ZIC2: variants seen among roughly 807,000 people sequenced by gnomAD.
ZIC2 encodes the protein zinc finger protein ZIC 2.
Under a neutral mutation model 29.5 loss-of-function variants are expected in ZIC2, and 7 were observed. The ratio of observed to expected loss-of-function variants is 0.24; its 90% CI spans 0.14 to 0.45. ZIC2 has a LOEUF of 0.45. ZIC2 is among the 20% of genes least tolerant of loss of function. ZIC2 has a pLI of 1.00. For synonymous variants in ZIC2, 408 were observed against 354.2 expected (o/e 1.15, Z -1.70); for missense variants, 589 against 781.2 (o/e 0.75, Z 2.93).
In ZIC2 at chr13:99,982,562, C is replaced by G. The variant is rs763471288; in HGVS notation, c.498C>G (p.His166Gln). 1.9e-5 allele frequency: 29 copies of G among 1,556,258 alleles called. No homozygotes were observed. In the South Asian group the frequency reaches 3.0e-4, roughly 16 times the overall value. The change falls in exon 1 of 3, where the codon CAC (histidine) becomes CAG (glutamine). Residue 166 changes from histidine to glutamine, a missense_variant. This residue lies in a region of ZIC2 where 358 missense variants were observed against 382.0 expected (regional missense o/e 0.94). Transcript: ENST00000376335. The part of the protein sequence containing the change: ...HLLFPGLPEQ[H>Q]GPHGSQNVLN... ...TCTTCCCGGGCCTGCCAGAGCAGCA[C>G]GGGCCGCACGGCTCGCAGAATGTGC...
chr13:99,985,824 G>T lies in ZIC2; in HGVS notation c.*142G>T. 2.9e-6 allele frequency: 1 copy of T among 348,520 alleles called. No homozygotes were observed. 21.6% of individuals were successfully genotyped at this position (348,520 alleles called of 1,614,324 possible). A position where few individuals can be genotyped will look rare whatever the true frequency, so the allele number is the denominator to read the frequency against. ...GATGATGAAAATTTTACCAGCAGAAGGATTTTTTAAAGTTTTTTTTTTTTT... is the reference window on the plus strand; with the variant it reads ...GATGATGAAAATTTTACCAGCAGAATGATTTTTTAAAGTTTTTTTTTTTTT... On this transcript the variant is annotated 3_prime_UTR_variant, in exon 3 of 3. Coordinates refer to ENST00000376335, the MANE Select transcript of ZIC2 (RefSeq NM_007129.5). The surrounding 1 kb of genome is among the most constrained non-coding windows in gnomAD (Gnocchi z 6.3).
In ZIC2 at chr13:99,981,952, C is replaced by T; in HGVS notation, c.-113C>T. On this transcript the variant is annotated 5_prime_UTR_variant, in exon 1 of 3. Coordinates refer to ENST00000376335, the MANE Select transcript of ZIC2 (RefSeq NM_007129.5). ...CCCAGGGCTGAAGTGGCCGCCACCA[C>T]CGCCGCCTGCGCCTGGAGCCCGGTG... 1.7e-6 allele frequency: 2 copies of T among 1,172,922 alleles called. No individual in the cohort carries two copies. Among genetic ancestry groups the T allele is most frequent in the Non-Finnish European group, 2.1e-6 (2 of 952,110 alleles). The allele number at this position is 1,172,922 out of a possible 1,614,324, so 72.7% of individuals were successfully genotyped here.
At chr13:99,984,853 C>A in intron 1 of ZIC2, 93 bp from the exon 2 acceptor site, 1 of 1,556,276 alleles carries the variant, frequency 6.4e-7, no homozygotes, top group East Asian at 2.3e-5. Context: ...TCAGGTCCTT[C>A]TCCCTCGCCG....
In ZIC2 at chr13:99,985,719, C is replaced by G. The variant is rs1275348861; in HGVS notation, c.*37C>G. 9 of 1,260,410 alleles carry G rather than the reference C, an allele frequency of 7.1e-6. No individual in the cohort carries two copies. The highest frequency in any genetic ancestry group is 9.3e-6 in the Non-Finnish European group (9 of 965,118). The allele number at this position is 1,260,410 out of a possible 1,614,324, so 78.1% of individuals were successfully genotyped here. On this transcript the variant is annotated 3_prime_UTR_variant, in exon 3 of 3. Transcript: ENST00000376335. The surrounding 1 kb of genome is among the most constrained non-coding windows in gnomAD (Gnocchi z 6.3). ...CTCTCTCCCTCTCCCTGTCCCCACC[C>G]CAGCGCAGCAGCCCTCCCCGCAGCT...
In ZIC2 at chr13:99,985,448, AGCGGCGGCG is replaced by A. The variant is rs749567106; in HGVS notation, c.1368_1376del (p.Ala468_Ala470del). On this transcript the variant is annotated inframe_deletion, in exon 3 of 3. Coordinates refer to ENST00000376335, the MANE Select transcript of ZIC2 (RefSeq NM_007129.5). This position sits in a 1 kb window ranked among gnomAD's most constrained non-coding sequence, Gnocchi z 6.3. ...CCCAGAGCAGCTCCAACCTGTCCCCAGCGGCGGCGGCAGCGGCGGCGGCGGCTGCGGCGG... is the reference window on the plus strand; with the variant it reads ...CCCAGAGCAGCTCCAACCTGTCCCCAGCAGCGGCGGCGGCGGCTGCGGCGG... 6 of 1,417,522 alleles carry A rather than the reference AGCGGCGGCG, an allele frequency of 4.2e-6. No individual in the cohort carries two copies. The African/African-American group carries it at 8.9e-5, about 21-fold the overall frequency. 87.8% of individuals were successfully genotyped at this position (1,417,522 alleles called of 1,614,324 possible).
rs2053268673 is a variant in ZIC2, at chr13:99,986,147, C to T, written c.*465C>T. 1.1e-5 allele frequency: 5 copies of T among 437,932 alleles called. No homozygotes were observed. Among genetic ancestry groups the T allele is most frequent in the South Asian group, 8.3e-5 (5 of 59,882 alleles). The allele number at this position is 437,932 out of a possible 1,614,324, so 27.1% of individuals were successfully genotyped here. A position where few individuals can be genotyped will look rare whatever the true frequency, so the allele number is the denominator to read the frequency against. Reference sequence around the variant, plus strand: ...TTCCTCCCCGCCTTCCGCCCCTTCCCTTCCCTAAAGTGATGGGCTTTCTCT... The same window carrying T: ...TTCCTCCCCGCCTTCCGCCCCTTCCTTTCCCTAAAGTGATGGGCTTTCTCT... On this transcript the variant is annotated 3_prime_UTR_variant, in exon 3 of 3. Coordinates refer to ENST00000376335, the MANE Select transcript of ZIC2 (RefSeq NM_007129.5).
At position 99,985,618 on chromosome 13, in the gene ZIC2, G is replaced by C; in HGVS notation, c.1535G>C (p.Gly512Ala). ...GGCGGGGGCGGCGGCAGCTCTGGCG[G>C]GGGCAGCGGGACAGCCGGGGGTCAC... Reference protein sequence around the residue: ...AGGGGGGSSGGGSGTAGGHSG... With the variant: ...AGGGGGGSSGAGSGTAGGHSG... Residue 512 changes from glycine (G) to alanine (A), a missense_variant, in exon 3 of 3, where the codon GGG becomes GCG. Coordinates refer to ENST00000376335, the MANE Select transcript of ZIC2 (RefSeq NM_007129.5). This position sits in a 1 kb window ranked among gnomAD's most constrained non-coding sequence, Gnocchi z 6.3. 8.5e-7 allele frequency: 1 copy of C among 1,178,158 alleles called. No individual in the cohort carries two copies. The highest frequency in any genetic ancestry group is 1.1e-6 in the Non-Finnish European group (1 of 943,332). The allele number at this position is 1,178,158 out of a possible 1,614,324, so 73.0% of individuals were successfully genotyped here. A position where few individuals can be genotyped will look rare whatever the true frequency, so the allele number is the denominator to read the frequency against.
chr13:99,985,108 A>C lies in ZIC2; in HGVS notation c.1238A>C (p.Lys413Thr). 1 of 1,614,050 alleles carries C rather than the reference A, an allele frequency of 6.2e-7. No homozygotes were observed. The highest frequency in any genetic ancestry group is 8.5e-7 in the Non-Finnish European group (1 of 1,179,914). ...THPSSLRKHM[K>T]VHESSPQGSE... ...CCCAGCTCGCTGCGGAAGCACATGA[A>C]GGTACCACCGCGGCGGCCGGGAGGA... is the stretch of plus-strand genomic sequence containing the variant. Residue 413 changes from lysine (K) to threonine (T), a missense_variant and splice_region_variant, in exon 2 of 3, where the codon AAG (lysine) becomes ACG (threonine). Physicochemically the swap from Lys to Thr is moderately conservative, Grantham distance 78. Coordinates refer to ENST00000376335, the MANE Select transcript of ZIC2 (RefSeq NM_007129.5). The surrounding 1 kb of genome is among the most constrained non-coding windows in gnomAD (Gnocchi z 6.3).
chr13:99,984,928 G>A lies in ZIC2; in HGVS notation c.1076-18G>A. The A allele has an allele frequency of 6.2e-7, 1 of 1,613,958 alleles. No homozygotes were observed. On this transcript the variant is annotated intron_variant, in intron 1 of 2. Transcript: ENST00000376335. ...GCTCTGGGTGTCTGCAGCCAGCGCC[G>A]ATGTTTGCCGTCCACAGGGGAGAAG...
chr13:99,986,177 T>C lies in ZIC2; in HGVS notation c.*495T>C, dbSNP rs1215198749. On this transcript the variant is annotated 3_prime_UTR_variant, in exon 3 of 3. Coordinates refer to ENST00000376335, the MANE Select transcript of ZIC2 (RefSeq NM_007129.5). ...CTAAAGTGATGGGCTTTCTCTTTTC[T>C]CTTTTTAGTTTACCCGGTTTCTTTT... 2.0e-5 allele frequency: 7 copies of C among 343,684 alleles called. No homozygotes were observed. Among genetic ancestry groups the C allele is most frequent in the Non-Finnish European group, 4.0e-5 (7 of 176,328 alleles). The allele number at this position is 343,684 out of a possible 1,614,324, so 21.3% of individuals were successfully genotyped here.
chr13:99,985,600 G>A lies in ZIC2; in HGVS notation c.1517G>A (p.Gly506Asp). Residue 506 changes from glycine to aspartate, a missense_variant, in exon 3 of 3, where the codon GGC (glycine) becomes GAC (aspartate). Around this residue, in one of 7 missense-constraint regions of ZIC2, gnomAD observed 135 missense variants for 136.7 expected, o/e 0.99. Transcript: ENST00000376335. This position sits in a 1 kb window ranked among gnomAD's most constrained non-coding sequence, Gnocchi z 6.3. ...GGCGGCGGCGGGGCGGGCGGCGGGG[G>A]CGGCGGCAGCTCTGGCGGGGGCAGC... ...GGGGGGAGGGGGGSSGGGSGT... is the reference protein window; with the variant it reads ...GGGGGGAGGGDGGSSGGGSGT... 1 of 1,054,838 alleles carries A rather than the reference G, an allele frequency of 9.5e-7. No individual in the cohort carries two copies. Among genetic ancestry groups the A allele is most frequent in the Non-Finnish European group, 1.1e-6 (1 of 874,792 alleles). 65.3% of individuals were successfully genotyped at this position (1,054,838 alleles called of 1,614,324 possible).
intron 1 of ZIC2, chr13:99,984,583 GC>G: frequency 8.8e-6 from 3 of 340,014 alleles, no homozygotes; most frequent in Non-Finnish European, 1.7e-5. Flanking sequence ...TTTTGATAAT[GC>G]CCCAAATATT....
In ZIC2 at chr13:99,985,693, C is replaced by T. The variant is rs777285622; in HGVS notation, c.*11C>T. On this transcript the variant is annotated 3_prime_UTR_variant, in exon 3 of 3. Coordinates refer to ENST00000376335, the MANE Select transcript of ZIC2 (RefSeq NM_007129.5). The surrounding 1 kb of genome is among the most constrained non-coding windows in gnomAD (Gnocchi z 6.3). ...GAATGGTACGTGTGACGGGTCGGGGCCTCTCTCCCTCTCCCTGTCCCCACC... is the reference window on the plus strand; with the variant it reads ...GAATGGTACGTGTGACGGGTCGGGGTCTCTCTCCCTCTCCCTGTCCCCACC... 5 of 1,326,018 alleles carry T rather than the reference C, an allele frequency of 3.8e-6. No homozygotes were observed. Among genetic ancestry groups the T allele is most frequent in the Non-Finnish European group, 4.9e-6 (5 of 1,013,374 alleles). 82.1% of individuals were successfully genotyped at this position (1,326,018 alleles called of 1,614,324 possible).
Position 99,981,817 on chromosome 13 carries a change from T to C in ZIC2, c.-248T>C. The stretch of plus-strand genomic sequence containing the variant: ...CTCCTCCTCCACCTCCTCCTCCTCC[T>C]CCCGCGCCGCCGCCTCCTCCTCCTC... On this transcript the variant is annotated 5_prime_UTR_variant, in exon 1 of 3. Coordinates refer to ENST00000376335, the MANE Select transcript of ZIC2 (RefSeq NM_007129.5). 1.5e-6 allele frequency: 1 copy of C among 669,676 alleles called. No homozygotes were observed. The highest frequency in any genetic ancestry group is 2.3e-6 in the Non-Finnish European group (1 of 438,716). 41.5% of individuals were successfully genotyped at this position (669,676 alleles called of 1,614,324 possible). A position where few individuals can be genotyped will look rare whatever the true frequency, so the allele number is the denominator to read the frequency against.
chr13:99,982,908 G>T lies in ZIC2; in HGVS notation c.844G>T (p.Glu282Ter). ...SCNKTFSTMH[E>*]LVTHVSVEHV... ...CAACAAAACTTTCAGCACCATGCAC[G>T]AGCTGGTGACACACGTCTCGGTGGA... Residue 282 changes from glutamate to a stop codon, truncating the protein, a stop_gained, in exon 1 of 3, where the codon GAG (glutamate) becomes TAG (stop). Coordinates refer to ENST00000376335, the MANE Select transcript of ZIC2 (RefSeq NM_007129.5). LOFTEE classifies it high-confidence loss of function. The T allele has an allele frequency of 6.2e-7, 1 of 1,613,846 alleles. No homozygotes were observed.
In ZIC2 at chr13:99,985,460, A is replaced by AGCGGCGGCGGCGGCTGCG. The variant is rs761822481; in HGVS notation, c.1389_1406dup (p.Ala465_Ala470dup). Reference sequence around the variant, plus strand: ...CCAACCTGTCCCCAGCGGCGGCGGCAGCGGCGGCGGCGGCTGCGGCGGCGG... The same window carrying AGCGGCGGCGGCGGCTGCG: ...CCAACCTGTCCCCAGCGGCGGCGGCAGCGGCGGCGGCGGCTGCGGCGGCGGCGGCGGCTGCGGCGGCGG... On this transcript the variant is annotated inframe_insertion, in exon 3 of 3. Transcript: ENST00000376335. This position sits in a 1 kb window ranked among gnomAD's most constrained non-coding sequence, Gnocchi z 6.3. The AGCGGCGGCGGCGGCTGCG allele has an allele frequency of 7.3e-7, 1 of 1,368,128 alleles. No individual in the cohort carries two copies. The highest frequency in any genetic ancestry group is 9.4e-7 in the Non-Finnish European group (1 of 1,067,662). 84.7% of individuals were successfully genotyped at this position (1,368,128 alleles called of 1,614,324 possible).
Position 99,985,305 on chromosome 13 carries a change from C to T in ZIC2, c.1240-18C>T. 6.3e-7 allele frequency: 1 copy of T among 1,598,904 alleles called. No individual in the cohort carries two copies. Among genetic ancestry groups the T allele is most frequent in the Non-Finnish European group, 8.5e-7 (1 of 1,179,388 alleles). On this transcript the variant is annotated intron_variant, in intron 2 of 2. Coordinates refer to ENST00000376335, the MANE Select transcript of ZIC2 (RefSeq NM_007129.5). The surrounding 1 kb of genome is among the most constrained non-coding windows in gnomAD (Gnocchi z 6.3). ...ACCCAGTCCCCTCTGGTCCCCCCTC[C>T]CGGCTTTTGTCTTGCAGGTCCATGA...
intron 1 of ZIC2, chr13:99,984,648 T>C: frequency 4.7e-6 from 2 of 428,514 alleles, no homozygotes; most frequent in Admixed American, 3.5e-5. Flanking sequence ...AAGCTGCAAA[T>C]CCAAGAAGCC....
chr13:99,985,741 A>T lies in ZIC2; in HGVS notation c.*59A>T. 1.9e-6 allele frequency: 2 copies of T among 1,064,112 alleles called. No individual in the cohort carries two copies. The highest frequency in any genetic ancestry group is 1.2e-6 in the Non-Finnish European group (1 of 810,600). 65.9% of individuals were successfully genotyped at this position (1,064,112 alleles called of 1,614,324 possible). ...ACCCCAGCGCAGCAGCCCTCCCCGC[A>T]GCTAGCAGCGAGGGCACCTTGTGAT... On this transcript the variant is annotated 3_prime_UTR_variant, in exon 3 of 3. Transcript: ENST00000376335. The surrounding 1 kb of genome is among the most constrained non-coding windows in gnomAD (Gnocchi z 6.3).
Sources: allele counts gnomAD v4.1 joint callset, GRCh38; gene constraint gnomAD v4.1.1; regional missense constraint gnomAD v4.1.1; non-coding constraint Gnocchi (gnomAD v3.1); transcripts MANE v1.5; gene names NCBI Gene and HGNC (gene_info 2026-07-23, HGNC 2026-07-21).